The following MED13L variants were observed in gnomAD, a reference collection of about 807,000 sequenced individuals.
The protein encoded by MED13L is mediator complex subunit 13L, also known as mediator of RNA polymerase II transcription subunit 13-like.
Under a neutral mutation model 220.9 loss-of-function variants are expected in MED13L, and 7 were observed. That is an observed-to-expected ratio of 0.03 (90% confidence interval 0.02 to 0.06). The LOEUF (loss-of-function observed/expected upper bound fraction) is 0.06. Ranked by LOEUF, MED13L falls within the 10% of genes least tolerant of loss-of-function variation. MED13L has a pLI of 1.00. For missense variants in MED13L, 1,965 were observed against 2,760.5 expected, an observed-to-expected ratio of 0.71 and a Z score of 6.46; for synonymous variants, 1,011 against 1,015.2, an observed-to-expected ratio of 1.00 and a Z score of 0.08.
intron 2 of MED13L, among the ~76,000 whole-genome samples, chr12:116,172,191 A>G (rs1204590431): frequency 6.6e-6 from 1 of 152,232 alleles, no homozygotes; most frequent in Admixed American, 6.5e-5. Context: ...CATATAAGTT[A>G]AAATTCTACA....
chr12:116,087,677 G>A (rs1203517556), intron 4 of MED13L, among the ~76,000 whole-genome samples: 1 of 151,994 alleles, frequency 6.6e-6, no homozygotes, highest in African/African-American at 2.4e-5. Flanking sequence ...GCCTTGTTTG[G>A]TCACCTCCCA....
At chr12:116,272,736 A>C (rs965060091) in intron 1 of MED13L, among the ~76,000 whole-genome samples, 1 of 152,206 alleles carries the variant, frequency 6.6e-6, no homozygotes, top group African/African-American at 2.4e-5. Flanking sequence ...TGTAGCATAC[A>C]GGCCTAAGGT....
chr12:116,136,104 T>A (rs968526728), intron 2 of MED13L, among the ~76,000 whole-genome samples: 1 of 152,138 alleles, frequency 6.6e-6, no homozygotes, highest in East Asian at 1.9e-4. Context: ...AGTTTCACCA[T>A]CTTGGCCAGG....
At chr12:116,136,911 CT>C (rs1391536175) in intron 2 of MED13L, among the ~76,000 whole-genome samples, 1 of 152,114 alleles carries the variant, frequency 6.6e-6, no homozygotes, top group East Asian at 1.9e-4. Context: ...ACTTGAGATC[CT>C]AGGTGAACCA....
chr12:116,269,692 C>T (rs923862327), intron 1 of MED13L, among the ~76,000 whole-genome samples: 2 of 152,046 alleles, frequency 1.3e-5, no homozygotes, highest in Non-Finnish European at 2.9e-5. Context: ...AAAAGAAAAA[C>T]AGTAATGGAG....
chr12:116,202,601 A>G lies in MED13L; in HGVS notation c.310+34867T>C, dbSNP rs148397503. 4.6e-3 allele frequency among the ~76,000 whole-genome samples: 701 copies of G among 152,262 alleles called. 2 individuals are homozygous for G. Among genetic ancestry groups the G allele is most frequent in the Non-Finnish European group, 7.1e-3 (486 of 68,008 alleles). On this transcript the variant is annotated intron_variant, in intron 2 of 30. Transcript: ENST00000281928. Reference sequence around the variant, plus strand: ...CAGTTAGAATTGCAATTCTAACTGCATCACCACCAAGCTGTATGACACTGA... The same window carrying G: ...CAGTTAGAATTGCAATTCTAACTGCGTCACCACCAAGCTGTATGACACTGA...
chr12:116,208,977 AAAAT>A (rs138092203), intron 2 of MED13L, among the ~76,000 whole-genome samples: 4,195 of 152,230 alleles, frequency 0.028, 87 homozygotes, highest in Middle Eastern at 0.051. Flanking sequence ...TCTCTAAGAA[AAAAT>A]AAATAAAGCA....
intron 2 of MED13L, among the ~76,000 whole-genome samples, chr12:116,190,751 A>C (rs1301966659): frequency 6.6e-6 from 1 of 152,188 alleles, no homozygotes; most frequent in East Asian, 1.9e-4. Flanking sequence ...TGACCTTGTC[A>C]ATCAAAGTAT....
intron 2 of MED13L, chr12:116,174,830 C>T (rs1424190095): frequency 6.6e-6 from 1 of 152,346 alleles, no homozygotes; most frequent in Non-Finnish European, 1.5e-5. Context: ...TGGGAGGCCA[C>T]CACAGAGGGA....
chr12:116,109,073 TTTTTTTTTTTTTTTG>T (rs974269493), intron 3 of MED13L, among the ~76,000 whole-genome samples: 958 of 70,772 alleles, frequency 0.014, 17 homozygotes, highest in African/African-American at 0.079. Flanking sequence ...TTTTTTTTTT[TTTTTTTTTTTTTTTG>T]GAAACAGGGT....
Position 115,986,509 on chromosome 12 carries a change from T to C in MED13L, c.4115-20A>G. 6.2e-7 allele frequency: 1 copy of C among 1,609,040 alleles called. No individual in the cohort carries two copies. Among genetic ancestry groups the C allele is most frequent in the East Asian group, 2.2e-5 (1 of 44,802 alleles). Reference sequence around the variant, plus strand: ...CCGAACCTAAAATGACATTGTAGTGTAGAAAGGTGCTAGAGAGTTTTTCCC... The same window carrying C: ...CCGAACCTAAAATGACATTGTAGTGCAGAAAGGTGCTAGAGAGTTTTTCCC... On this transcript the variant is annotated intron_variant, in intron 18 of 30. Transcript: ENST00000281928.
In MED13L at chr12:116,098,193, C is replaced by A. The variant is rs372582922; in HGVS notation, c.396-1441G>T. On this transcript the variant is annotated intron_variant, in intron 3 of 30. Transcript: ENST00000281928. ...CCCGGGAGGCAGAGGTTGCAGTGAT[C>A]TGAGATCACGCCATTGCACTCCAGC... Among the ~76,000 whole-genome samples, 35 of 152,128 alleles carry A rather than the reference C, an allele frequency of 2.3e-4. No individual in the cohort carries two copies. The East Asian group carries it at 2.5e-3, about 11-fold the overall frequency.
intron 2 of MED13L, among the ~76,000 whole-genome samples, chr12:116,168,621 C>T (rs1438680716): frequency 2.6e-5 from 4 of 152,110 alleles, no homozygotes; most frequent in Non-Finnish European, 4.4e-5. Context: ...TATAACCACC[C>T]CACTGTCCAT....
chr12:116,153,274 G>T (rs140063400), intron 2 of MED13L, among the ~76,000 whole-genome samples: 1 of 152,254 alleles, frequency 6.6e-6, no homozygotes, highest in East Asian at 1.9e-4. Context: ...TTAACTGGAA[G>T]AAAAGATTGC....
intron 4 of MED13L, among the ~76,000 whole-genome samples, chr12:116,038,861 C>T (rs1304349724): frequency 6.6e-6 from 1 of 150,894 alleles, no homozygotes; most frequent in African/African-American, 2.4e-5. Context: ...TTGCATTTTC[C>T]ATCCATCCTT....
intron 2 of MED13L, among the ~76,000 whole-genome samples, chr12:116,137,467 G>T (rs999403957): frequency 3.3e-5 from 5 of 152,086 alleles, no homozygotes; most frequent in African/African-American, 1.2e-4. Context: ...GAAAACTCTG[G>T]TCTGCTTTGT....
intron 4 of MED13L, among the ~76,000 whole-genome samples, chr12:116,077,939 G>A (rs894735016): frequency 4.0e-5 from 6 of 151,892 alleles, no homozygotes; most frequent in South Asian, 2.1e-4. Context: ...GATCACTTAC[G>A]GTCAGCAGCT....
chr12:116,252,680 T>C (rs1372052716), intron 1 of MED13L, among the ~76,000 whole-genome samples: 2 of 151,576 alleles, frequency 1.3e-5, no homozygotes, highest in African/African-American at 4.9e-5. Flanking sequence ...AGATAAGACA[T>C]AAAACAAATT....
chr12:116,115,582 G>A (rs1874436909), intron 2 of MED13L, among the ~76,000 whole-genome samples: 1 of 151,004 alleles, frequency 6.6e-6, no homozygotes, highest in Non-Finnish European at 1.5e-5. Context: ...CACAGATGGG[G>A]AATAAACAGT....
Sources: gnomAD v4.1 joint callset for allele counts (sites outside exome capture counted in the v4.1 genomes callset) on GRCh38, gnomAD v4.1.1 for gene constraint, MANE v1.5 for transcripts, NCBI Gene and HGNC (gene_info 2026-07-23, HGNC 2026-07-21) for gene names.